SYT1: variants seen among roughly 807,000 people sequenced by gnomAD.
The protein encoded by SYT1 is synaptotagmin 1, also known as synaptotagmin-1.
Under a neutral mutation model 44.8 loss-of-function variants are expected in SYT1, and 8 were observed. That is an observed-to-expected ratio of 0.18 (90% CI 0.10 to 0.32). SYT1 has a LOEUF of 0.32. SYT1 is among the 10% of genes least tolerant of loss of function. The pLI, the probability that SYT1 is intolerant of heterozygous loss-of-function variation, is 1.00. For synonymous variants in SYT1, 154 were observed against 188.8 expected (o/e 0.82, Z 1.51); for missense variants, 286 against 509.3 (o/e 0.56, Z 4.22).
chr12:79,336,874 G>C (rs1882114964), intron 8 of SYT1, among the ~76,000 whole-genome samples: 1 of 151,866 alleles, frequency 6.6e-6, no homozygotes. Flanking sequence ...ACAGGGTCTT[G>C]TTTTGTTGCA....
At chr12:79,336,628 C>CTCAT (rs943066810) in intron 8 of SYT1, among the ~76,000 whole-genome samples, 2 of 151,888 alleles carry the variant, frequency 1.3e-5, no homozygotes, top group African/African-American at 2.4e-5. Flanking sequence ...TAACACTGCA[C>CTCAT]TCATTCATTC....
At chr12:78,919,452 T>C (rs17046022) in intron 1 of SYT1, among the ~76,000 whole-genome samples, 6,654 of 152,190 alleles carry the variant, frequency 0.044, 187 homozygotes, top group South Asian at 0.085. Context: ...ACAATCGATC[T>C]GTGCCACAGC....
intron 2 of SYT1, among the ~76,000 whole-genome samples, chr12:78,980,882 G>A (rs1030981268): frequency 6.6e-6 from 1 of 152,048 alleles, no homozygotes; most frequent in Non-Finnish European, 1.5e-5. Context: ...CAGAGAGAGT[G>A]GGGTTATAGC....
chr12:78,935,435 G>T (rs1592580636), intron 1 of SYT1, among the ~76,000 whole-genome samples: 1 of 152,028 alleles, frequency 6.6e-6, no homozygotes, highest in Non-Finnish European at 1.5e-5. Context: ...TACTGCTTTG[G>T]TAAAAATAAC....
chr12:79,215,599 A>G (rs1418624303), intron 3 of SYT1, among the ~76,000 whole-genome samples: 24 of 152,114 alleles, frequency 1.6e-4, no homozygotes, highest in Non-Finnish European at 8.8e-5. Flanking sequence ...GAAGGCTGAA[A>G]CCAGTAGGAT....
At chr12:79,307,034 G>GCAATATTTTTTAT (rs1167120180) in intron 8 of SYT1, among the ~76,000 whole-genome samples, 33 of 152,242 alleles carry the variant, frequency 2.2e-4, no homozygotes, top group African/African-American at 7.9e-4. Context: ...ATGCTTGGGA[G>GCAATATTTTTTAT]CAATATTTTT....
intron 2 of SYT1, among the ~76,000 whole-genome samples, chr12:79,009,245 A>G (rs1871275299): frequency 6.6e-6 from 1 of 152,184 alleles, no homozygotes; most frequent in African/African-American, 2.4e-5. Context: ...GTATTTTCCT[A>G]CACTAATACT....
At chr12:79,016,505 A>G (rs550357759) in intron 2 of SYT1, among the ~76,000 whole-genome samples, 2 of 152,280 alleles carry the variant, frequency 1.3e-5, no homozygotes, top group African/African-American at 4.8e-5. Context: ...CTTAAACTAC[A>G]TAGAGGTTAG....
At chr12:78,982,999 A>G (rs1199249151) in intron 2 of SYT1, among the ~76,000 whole-genome samples, 1 of 152,090 alleles carries the variant, frequency 6.6e-6, no homozygotes, top group Non-Finnish European at 1.5e-5. Flanking sequence ...ACTATTAACA[A>G]GGAACAAATA....
intron 4 of SYT1, among the ~76,000 whole-genome samples, chr12:79,244,919 A>G (rs926662442): frequency 3.3e-5 from 5 of 152,220 alleles, no homozygotes; most frequent in Middle Eastern, 3.4e-3. Flanking sequence ...AAGTTACTCA[A>G]AAACTTCATC....
Position 79,359,956 on chromosome 12 carries a change from A to G in SYT1, c.928+6337A>G, listed in dbSNP as rs11612177. On this transcript the variant is annotated intron_variant, in intron 9 of 10. Coordinates refer to ENST00000261205, the MANE Select transcript of SYT1 (RefSeq NM_005639.3). Reference sequence around the variant, plus strand: ...ATGTGATATTTTGCATAACCCCATCAAAATCACCTAGGGTACTTATTAAAA... The same window carrying G: ...ATGTGATATTTTGCATAACCCCATCGAAATCACCTAGGGTACTTATTAAAA... 8.7e-3 allele frequency among the ~76,000 whole-genome samples: 1,319 copies of G among 152,258 alleles called. 5 individuals are homozygous for G. Among genetic ancestry groups the G allele is most frequent in the Non-Finnish European group, 0.013 (876 of 68,004 alleles).
At chr12:79,337,973 A>T (rs971736304) in intron 8 of SYT1, among the ~76,000 whole-genome samples, 9 of 152,174 alleles carry the variant, frequency 5.9e-5, no homozygotes, top group Non-Finnish European at 1.2e-4. Context: ...ATTGGATTTG[A>T]CCCAGAAAAC....
intron 8 of SYT1, among the ~76,000 whole-genome samples, chr12:79,309,872 T>G (rs373931479): frequency 9.2e-5 from 14 of 152,292 alleles, no homozygotes; most frequent in African/African-American, 3.4e-4. Context: ...TGTTTGTTTT[T>G]TTCTTGTAAA....
At chr12:79,108,448 A>G (rs1051770004) in intron 3 of SYT1, among the ~76,000 whole-genome samples, 4 of 152,076 alleles carry the variant, frequency 2.6e-5, no homozygotes, top group South Asian at 2.1e-4. Flanking sequence ...AAAATTCAAT[A>G]TAACAAAAAC....
intron 3 of SYT1, among the ~76,000 whole-genome samples, chr12:79,135,660 T>G (rs2138194498): frequency 6.6e-6 from 1 of 152,296 alleles, no homozygotes; most frequent in South Asian, 2.1e-4. Flanking sequence ...TGAGGAAGAA[T>G]GACAGACTTG....
chr12:79,371,157 A>G (rs1366253508), intron 9 of SYT1, among the ~76,000 whole-genome samples: 3 of 152,176 alleles, frequency 2.0e-5, no homozygotes, highest in Admixed American at 6.5e-5. Context: ...TATGAATGAG[A>G]AAACTAAGGT....
At chr12:79,119,170 T>C (rs1271877646) in intron 3 of SYT1, among the ~76,000 whole-genome samples, 1 of 152,198 alleles carries the variant, frequency 6.6e-6, no homozygotes, top group African/African-American at 2.4e-5. Flanking sequence ...TAACTTCTTA[T>C]TGTGTCTATC....
intron 1 of SYT1, among the ~76,000 whole-genome samples, chr12:78,888,402 C>A (rs1433001658): frequency 6.6e-6 from 1 of 151,548 alleles, no homozygotes; most frequent in Non-Finnish European, 1.5e-5. Context: ...CATCAACATC[C>A]CCAATGATAC....
chr12:79,034,579 C>T (rs376374907), intron 2 of SYT1, among the ~76,000 whole-genome samples: 23 of 151,786 alleles, frequency 1.5e-4, no homozygotes, highest in Non-Finnish European at 2.1e-4. Flanking sequence ...AGATAATTAA[C>T]GCCTACTGAA....
Sources: allele counts gnomAD v4.1 joint callset (sites outside exome capture counted in the v4.1 genomes callset), GRCh38; gene constraint gnomAD v4.1.1; transcripts MANE v1.5; gene names NCBI Gene and HGNC (gene_info 2026-07-23, HGNC 2026-07-21).